The following INIP variants were observed in gnomAD, a reference collection of about 807,000 sequenced individuals.
The protein encoded by INIP is SOSS complex subunit C.
A neutral mutation model predicts 14.0 loss-of-function variants in INIP; 9 were observed. The ratio of observed to expected loss-of-function variants is 0.64; its 90% CI spans 0.39 to 1.12. INIP has a LOEUF of 1.12. Among genes scored for constraint, INIP ranks in the 50% most tolerant of loss-of-function variants. The probability of loss-of-function intolerance (pLI) is 0.01; values close to 1 mark genes in which losing one functional copy is unlikely to be tolerated. For synonymous variants in INIP, 37 were observed against 41.5 expected, an observed-to-expected ratio of 0.89 and a Z score of 0.41; for missense variants, 78 against 122.7, an observed-to-expected ratio of 0.64 and a Z score of 1.72.
intron 2 of INIP, among the ~76,000 whole-genome samples, chr9:112,695,844 A>G (rs10981482): frequency 3.5e-5 from 4 of 114,378 alleles, no homozygotes; most frequent in African/African-American, 1.4e-4. Flanking sequence ...GAAGAAGGAG[A>G]AGAAGAAGGA....
At chr9:112,690,953 A>G (rs376029434) in intron 3 of INIP, among the ~76,000 whole-genome samples, 6 of 152,196 alleles carry the variant, frequency 3.9e-5, no homozygotes, top group African/African-American at 1.2e-4. Flanking sequence ...CACTAATGAT[A>G]TTGTGGCCAC....
intron 2 of INIP, among the ~76,000 whole-genome samples, chr9:112,706,199 T>A (rs1429136196): frequency 6.6e-6 from 1 of 152,174 alleles, no homozygotes; most frequent in African/African-American, 2.4e-5. Context: ...TGTCAGGCAA[T>A]AACAAACATT....
At chr9:112,696,475 A>T (rs1352424394) in intron 2 of INIP, among the ~76,000 whole-genome samples, 1 of 151,998 alleles carries the variant, frequency 6.6e-6, no homozygotes, top group Non-Finnish European at 1.5e-5. Flanking sequence ...ACTATTCTCT[A>T]CTCTCATTCA....
At chr9:112,693,168 C>A (rs1458970182) in intron 3 of INIP, among the ~76,000 whole-genome samples, 1 of 152,056 alleles carries the variant, frequency 6.6e-6, no homozygotes, top group African/African-American at 2.4e-5. Flanking sequence ...GAATATGTCA[C>A]CTAAAATATG....
intron 3 of INIP, among the ~76,000 whole-genome samples, chr9:112,691,598 C>T (rs1837885709): frequency 6.6e-6 from 1 of 152,182 alleles, no homozygotes; most frequent in Non-Finnish European, 1.5e-5. Flanking sequence ...GAACAGAATT[C>T]GAAGGGCTGT....
At chr9:112,688,742 C>G (rs1024148146) in intron 4 of INIP, among the ~76,000 whole-genome samples, 11 of 152,066 alleles carry the variant, frequency 7.2e-5, no homozygotes, top group African/African-American at 2.7e-4. Context: ...ACTTAGGAGC[C>G]TGAGGCAAGA....
Position 112,688,385 on chromosome 9 carries a change from G to C in INIP, c.220-752C>G, listed in dbSNP as rs992700516. 2.0e-5 allele frequency among the ~76,000 whole-genome samples: 3 copies of C among 152,014 alleles called. No individual in the cohort carries two copies. In the East Asian group the frequency reaches 5.8e-4, roughly 29 times the overall value. On this transcript the variant is annotated intron_variant, in intron 4 of 4. Coordinates refer to ENST00000374242, the MANE Select transcript of INIP (RefSeq NM_021218.3). ...AAGAAGGGTAGTAGTTGGAAGGAGA[G>C]GGGGGAAAAGGCAGTGAGATTACTG...
intron 2 of INIP, among the ~76,000 whole-genome samples, chr9:112,705,511 G>A (rs1367265882): frequency 1.3e-5 from 2 of 151,996 alleles, no homozygotes; most frequent in African/African-American, 2.4e-5. Context: ...GGGTCCCCTT[G>A]TGTTGCCCAT....
At chr9:112,704,438 C>T (rs934375233) in intron 2 of INIP, among the ~76,000 whole-genome samples, 2 of 151,954 alleles carry the variant, frequency 1.3e-5, no homozygotes, top group Non-Finnish European at 2.9e-5. Flanking sequence ...ACTGATCACA[C>T]AAAAAATAAA....
At position 112,717,647 on chromosome 9, in the gene INIP, A is replaced by G. The variant is rs549652385; in HGVS notation, c.-57+340T>C. 1.6e-3 allele frequency among the ~76,000 whole-genome samples: 237 copies of G among 152,336 alleles called. 2 individuals are homozygous for G. Among genetic ancestry groups the G allele is most frequent in the African/African-American group, 5.4e-3 (224 of 41,580 alleles). On this transcript the variant is annotated intron_variant, in intron 1 of 4. Transcript: ENST00000374242. ...TTAGTCTAGGGAGCCCGGGAAAGACACAAGGGATAGAAAACAGACACCGGT... is the reference window on the plus strand; with the variant it reads ...TTAGTCTAGGGAGCCCGGGAAAGACGCAAGGGATAGAAAACAGACACCGGT...
chr9:112,714,362 GA>G (rs1192453637), intron 2 of INIP, among the ~76,000 whole-genome samples: 1 of 152,188 alleles, frequency 6.6e-6, no homozygotes, highest in African/African-American at 2.4e-5. Flanking sequence ...ATACAGAACG[GA>G]AATAGAGGCG....
chr9:112,690,954 T>C (rs1837865534), intron 3 of INIP, among the ~76,000 whole-genome samples: 1 of 152,216 alleles, frequency 6.6e-6, no homozygotes, highest in Non-Finnish European at 1.5e-5. Context: ...ACTAATGATA[T>C]TGTGGCCACT....
chr9:112,687,530 T>C lies in INIP; in HGVS notation c.*8A>G. ...TACAAAGTCACTTTTCCATCGCAAA[T>C]GTTTTCTTCATTCTGGGTCAAGGCG... On this transcript the variant is annotated 3_prime_UTR_variant, in exon 5 of 5. Coordinates refer to ENST00000374242, the MANE Select transcript of INIP (RefSeq NM_021218.3). The C allele has an allele frequency of 6.4e-7, 1 of 1,565,562 alleles. No homozygotes were observed. Among genetic ancestry groups the C allele is most frequent in the Non-Finnish European group, 8.8e-7 (1 of 1,137,272 alleles).
At chr9:112,691,741 G>A (rs1243027801) in intron 3 of INIP, among the ~76,000 whole-genome samples, 1 of 152,232 alleles carries the variant, frequency 6.6e-6, no homozygotes. Flanking sequence ...CGGGTGCAGC[G>A]GCTCACGCCT....
At chr9:112,703,869 T>C (rs1038580633) in intron 2 of INIP, among the ~76,000 whole-genome samples, 1 of 152,194 alleles carries the variant, frequency 6.6e-6, no homozygotes, top group African/African-American at 2.4e-5. Flanking sequence ...GTGGAATAAA[T>C]TAAGTCTGTG....
chr9:112,709,520 G>A (rs1838585262), intron 2 of INIP, among the ~76,000 whole-genome samples: 1 of 152,164 alleles, frequency 6.6e-6, no homozygotes, highest in African/African-American at 2.4e-5. Flanking sequence ...ACTTCAAAGG[G>A]TGGTTACAGG....
intron 2 of INIP, 31 bp from the exon 3 acceptor site, chr9:112,694,264 G>A (rs1564226203): frequency 7.9e-7 from 1 of 1,266,068 alleles, no homozygotes. Flanking sequence ...GGAGAAAAGG[G>A]AGAAAGAGAG....
intron 2 of INIP, among the ~76,000 whole-genome samples, chr9:112,702,575 TA>T (rs1196761697): frequency 3.3e-5 from 5 of 152,080 alleles, no homozygotes; most frequent in Admixed American, 6.6e-5. Context: ...ATTATTTATT[TA>T]TTTTTTTTAG....
intron 4 of INIP, 68 bp from the exon 5 acceptor site, chr9:112,687,701 A>G (rs759016094): frequency 2.3e-6 from 2 of 869,666 alleles, no homozygotes; most frequent in African/African-American, 1.7e-5. Context: ...CGACCAAGGC[A>G]TTAAAATTAC....
Sources: allele counts gnomAD v4.1 joint callset (sites outside exome capture counted in the v4.1 genomes callset), GRCh38; gene constraint gnomAD v4.1.1; transcripts MANE v1.5; gene names NCBI Gene and HGNC (gene_info 2026-07-23, HGNC 2026-07-21).